SFSWAP: variants seen among roughly 807,000 people sequenced by gnomAD.
SFSWAP encodes the protein splicing factor SWAP.
SFSWAP carries 17 observed loss-of-function variants against 100.7 expected under a neutral mutation model. That is an observed-to-expected ratio of 0.17 (90% CI 0.12 to 0.25). The LOEUF is 0.25. SFSWAP is among the 10% of genes least tolerant of loss of function. The pLI is 1.00. For synonymous variants in SFSWAP, 504 were observed against 510.1 expected, an observed-to-expected ratio of 0.99 and a Z score of 0.16; for missense variants, 1,005 against 1,262.6, an observed-to-expected ratio of 0.80 and a Z score of 3.09.
intron 15 of SFSWAP, 66 bp from the exon 16 acceptor site, chr12:131,797,112 G>A: frequency 1.4e-6 from 2 of 1,469,164 alleles, no homozygotes; most frequent in Admixed American, 1.9e-5. Flanking sequence ...TCAGATCCGA[G>A]CTTCTCCCTT....
Position 131,725,755 on chromosome 12 carries a change from C to G in SFSWAP, c.832+125C>G, listed in dbSNP as rs1237195517. 2.8e-6 allele frequency: 2 copies of G among 706,640 alleles called. No homozygotes were observed. Among genetic ancestry groups the G allele is most frequent in the Admixed American group, 2.3e-5 (1 of 43,328 alleles). 43.8% of individuals were successfully genotyped at this position (706,640 alleles called of 1,614,324 possible). ...CAGATGCATGGTTGAAAGCCAGACT[C>G]GAATTTCTAGAATGTGTCTGAAATC... On this transcript the variant is annotated intron_variant, in intron 5 of 17. Transcript: ENST00000261674. The surrounding 1 kb of genome is among the most constrained non-coding windows in gnomAD (Gnocchi z 4.3).
chr12:131,735,535 C>T (rs371165762), intron 7 of SFSWAP, among the ~76,000 whole-genome samples: 2 of 152,196 alleles, frequency 1.3e-5, no homozygotes, highest in Non-Finnish European at 2.9e-5. Flanking sequence ...ATACTGCCAT[C>T]GAAGGTCTCG....
At position 131,714,506 on chromosome 12, in the gene SFSWAP, A is replaced by G. The variant is rs980890484; in HGVS notation, c.388+266A>G. 1 of 486,516 alleles carries G rather than the reference A, an allele frequency of 2.1e-6. No homozygotes were observed. The highest frequency in any genetic ancestry group is 1.9e-5 in the African/African-American group (1 of 52,000). 30.1% of individuals were successfully genotyped at this position (486,516 alleles called of 1,614,324 possible). A position where few individuals can be genotyped will look rare whatever the true frequency, so the allele number is the denominator to read the frequency against. On this transcript the variant is annotated intron_variant, in intron 2 of 17. Transcript: ENST00000261674. The surrounding 1 kb of genome is among the most constrained non-coding windows in gnomAD (Gnocchi z 6.0). ...CAAACTCTTTAACTGTTCTTCTTTA[A>G]CAGTATCGTATAAATAAAATTGATG...
At position 131,719,500 on chromosome 12, in the gene SFSWAP, T is replaced by A. The variant is rs1043958337; in HGVS notation, c.567T>A (p.Val189=). Residue 189 remains valine (V), a synonymous_variant, in exon 4 of 18, where the codon GTT becomes GTA. Coordinates refer to ENST00000261674, the MANE Select transcript of SFSWAP (RefSeq NM_004592.4). Reference sequence around the variant, plus strand: ...TAGAGGAAAATGAAGAGCCCTTCGTTGCCCCCTTAGGATTGAGCGTCCCGT... The same window carrying A: ...TAGAGGAAAATGAAGAGCCCTTCGTAGCCCCCTTAGGATTGAGCGTCCCGT... ...ENLEENEEPF[V]APLGLSVPSD... The A allele has an allele frequency of 2.5e-6, 4 of 1,614,040 alleles. No homozygotes were observed. The highest frequency in any genetic ancestry group is 3.4e-6 in the Non-Finnish European group (4 of 1,180,020).
Position 131,725,300 on chromosome 12 carries a change from T to TA in SFSWAP, c.607-101dup. ...TTCCAGCTTAAAGTCTCGTATCTCT[T>TA]AAAATTGACAGTAAAACCAGAGTCA... is the stretch of plus-strand genomic sequence containing the variant. On this transcript the variant is annotated intron_variant, in intron 4 of 17. Coordinates refer to ENST00000261674, the MANE Select transcript of SFSWAP (RefSeq NM_004592.4). The surrounding 1 kb of genome is among the most constrained non-coding windows in gnomAD (Gnocchi z 4.3). 1.0e-6 allele frequency: 1 copy of TA among 957,756 alleles called. No homozygotes were observed. Among genetic ancestry groups the TA allele is most frequent in the South Asian group, 1.4e-5 (1 of 70,836 alleles). 59.3% of individuals were successfully genotyped at this position (957,756 alleles called of 1,614,324 possible).
chr12:131,799,193 C>T, intron 17 of SFSWAP, 84 bp downstream of exon 17: 1 of 1,159,444 alleles, frequency 8.6e-7, no homozygotes, highest in Admixed American at 1.9e-5. Flanking sequence ...CATTCCCTGT[C>T]CCTCCTGTCC....
At chr12:131,760,292 G>A (rs776363063) in intron 11 of SFSWAP, among the ~76,000 whole-genome samples, 2 of 152,046 alleles carry the variant, frequency 1.3e-5, no homozygotes, top group Non-Finnish European at 2.9e-5. Flanking sequence ...TAAAAATAAA[G>A]GTTAACATCC....
chr12:131,797,639 G>T (rs906487924), intron 16 of SFSWAP, among the ~76,000 whole-genome samples: 1 of 152,234 alleles, frequency 6.6e-6, no homozygotes, highest in Non-Finnish European at 1.5e-5. Context: ...TGTCACACAC[G>T]TGCCTGATGC....
chr12:131,715,769 G>A (rs747954482), intron 3 of SFSWAP, among the ~76,000 whole-genome samples: 1 of 152,196 alleles, frequency 6.6e-6, no homozygotes, highest in Non-Finnish European at 1.5e-5. Flanking sequence ...ATCAAATGGA[G>A]ATTTAATTGT....
chr12:131,772,927 A>G (rs1883733268), intron 13 of SFSWAP, among the ~76,000 whole-genome samples: 1 of 152,162 alleles, frequency 6.6e-6, no homozygotes, highest in Admixed American at 6.5e-5. Flanking sequence ...GTACAGCAGG[A>G]AGATAATTTT....
chr12:131,724,238 C>G (rs1878753132), intron 4 of SFSWAP, among the ~76,000 whole-genome samples: 1 of 152,074 alleles, frequency 6.6e-6, no homozygotes, highest in South Asian at 2.1e-4. Context: ...ATAAAGAAAG[C>G]CTAAACTGGG....
chr12:131,727,705 A>G (rs531853431), intron 6 of SFSWAP, among the ~76,000 whole-genome samples: 2 of 152,346 alleles, frequency 1.3e-5, no homozygotes, highest in East Asian at 3.9e-4. Flanking sequence ...TGATCAGAAT[A>G]TATGCATCTT....
At chr12:131,728,568 C>T (rs1879209110) in intron 7 of SFSWAP, 140 bp downstream of exon 7, 1 of 892,634 alleles carries the variant, frequency 1.1e-6, no homozygotes, top group African/African-American at 1.7e-5. Context: ...CACATGGTCC[C>T]AAGGGAGAGT....
At chr12:131,750,116 C>G (rs931076683) in intron 7 of SFSWAP, among the ~76,000 whole-genome samples, 1 of 152,188 alleles carries the variant, frequency 6.6e-6, no homozygotes, top group Non-Finnish European at 1.5e-5. Context: ...CCCGTCCTGC[C>G]TCCCACCAGG....
chr12:131,787,906 C>T (rs748417385), intron 15 of SFSWAP, among the ~76,000 whole-genome samples: 45 of 152,140 alleles, frequency 3.0e-4, no homozygotes, highest in East Asian at 7.7e-4. Flanking sequence ...AACTATAAAG[C>T]GGATAGATAC....
chr12:131,775,601 T>A (rs1397093893), intron 13 of SFSWAP, among the ~76,000 whole-genome samples: 2 of 152,146 alleles, frequency 1.3e-5, no homozygotes, highest in East Asian at 3.9e-4. Flanking sequence ...TCGGTGTGTA[T>A]GGGAGAGGCC....
intron 11 of SFSWAP, among the ~76,000 whole-genome samples, chr12:131,763,053 T>C (rs1340322656): frequency 6.6e-6 from 1 of 152,238 alleles, no homozygotes; most frequent in Non-Finnish European, 1.5e-5. Context: ...TGTCCCGGTA[T>C]CAGTATCTTT....
intron 7 of SFSWAP, among the ~76,000 whole-genome samples, chr12:131,739,688 G>A (rs1880418827): frequency 6.6e-6 from 1 of 151,724 alleles, no homozygotes; most frequent in Non-Finnish European, 1.5e-5. Flanking sequence ...TGGGAGTACA[G>A]GCGCCCGCCA....
chr12:131,786,808 G>A lies in SFSWAP; in HGVS notation c.2534+220G>A, dbSNP rs187218762. Among the ~76,000 whole-genome samples, 325 of 151,008 alleles carry A rather than the reference G, an allele frequency of 2.2e-3. 2 individuals carry two copies. Among genetic ancestry groups the A allele is most frequent in the African/African-American group, 7.5e-3 (311 of 41,314 alleles). On this transcript the variant is annotated intron_variant, in intron 15 of 17. Transcript: ENST00000261674. ...GGTGGGCGGGGGTCACTTACCCACC[G>A]GGGCTCTGCACGGCCTGGCTTCGTG... is the stretch of plus-strand genomic sequence containing the variant.
Sources: allele counts gnomAD v4.1 joint callset (sites outside exome capture counted in the v4.1 genomes callset), GRCh38; gene constraint gnomAD v4.1.1; non-coding constraint Gnocchi (gnomAD v3.1); transcripts MANE v1.5; gene names NCBI Gene and HGNC (gene_info 2026-07-23, HGNC 2026-07-21).